SHANK2: variants seen among roughly 807,000 people sequenced by gnomAD.
SHANK2 encodes the protein SH3 and multiple ankyrin repeat domains 2.
A neutral mutation model predicts 133.7 loss-of-function variants in SHANK2; 43 were observed. The observed-to-expected ratio is 0.32, with a 90% CI of 0.25 to 0.41. The LOEUF is 0.41. SHANK2 is among the 10% of genes least tolerant of loss of function. The pLI, the probability that SHANK2 is intolerant of heterozygous loss-of-function variation, is 1.00. For synonymous variants in SHANK2, 1,017 were observed against 952.8 expected (o/e 1.07, Z -1.24); for missense variants, 1,994 against 2,235.8 (o/e 0.89, Z 2.18).
chr11:71,085,751 T>TTA (rs1470980324), intron 8 of SHANK2, among the ~76,000 whole-genome samples: 1 of 77,414 alleles, frequency 1.3e-5, no homozygotes, highest in South Asian at 4.2e-4. Flanking sequence ...ATATAATATA[T>TTA]TATGTTATAT....
chr11:71,160,759 C>T (rs1952997097), intron 2 of SHANK2, among the ~76,000 whole-genome samples: 1 of 152,170 alleles, frequency 6.6e-6, no homozygotes, highest in African/African-American at 2.4e-5. Context: ...GAGGCCACTC[C>T]AACGTATGCC....
intron 14 of SHANK2, among the ~76,000 whole-genome samples, chr11:70,700,298 C>T (rs555455573): frequency 1.2e-4 from 18 of 152,190 alleles, no homozygotes; most frequent in Admixed American, 9.2e-4. Context: ...AAGTGTTGCC[C>T]GAGTATTCAA....
intron 17 of SHANK2, among the ~76,000 whole-genome samples, chr11:70,568,646 G>GCCCCCCCCCCCCCCCCCCCC (rs66982078): frequency 1.3e-5 from 1 of 79,966 alleles, no homozygotes; most frequent in African/African-American, 3.9e-5. Context: ...GCGGATTCCT[G>GCCCCCCCCCCCCCCCCCCCC]CCCCCCCCGC....
intron 14 of SHANK2, among the ~76,000 whole-genome samples, chr11:70,704,923 AG>A (rs150500735): frequency 0.057 from 8,720 of 152,198 alleles, 840 homozygotes; most frequent in African/African-American, 0.2. Flanking sequence ...GAATTTTGAG[AG>A]GAAGTGAATT....
chr11:71,072,682 T>G (rs1951159043), intron 9 of SHANK2, among the ~76,000 whole-genome samples: 1 of 152,010 alleles, frequency 6.6e-6, no homozygotes, highest in African/African-American at 2.4e-5. Context: ...CACAAGGGAG[T>G]ATTATTTACC....
At chr11:70,630,225 C>T (rs894452900) in intron 17 of SHANK2, among the ~76,000 whole-genome samples, 1 of 152,228 alleles carries the variant, frequency 6.6e-6, no homozygotes, top group East Asian at 1.9e-4. Flanking sequence ...ACTGACCTTG[C>T]AGGTGCCCTG....
chr11:71,189,854 G>A (rs1049288059), intron 2 of SHANK2, among the ~76,000 whole-genome samples: 2 of 152,238 alleles, frequency 1.3e-5, no homozygotes, highest in Non-Finnish European at 2.9e-5. Flanking sequence ...CGCAGCTGAG[G>A]CCTGGGGAAG....
intron 13 of SHANK2, among the ~76,000 whole-genome samples, chr11:70,802,013 C>T (rs782379690): frequency 6.6e-5 from 10 of 152,054 alleles, no homozygotes; most frequent in Non-Finnish European, 1.0e-4. Flanking sequence ...AGAGGGGGTG[C>T]GGCGAGACTT....
chr11:71,147,476 G>A (rs565091970), intron 2 of SHANK2, 138 bp from the exon 3 acceptor site: 17 of 574,942 alleles, frequency 3.0e-5, no homozygotes, highest in African/African-American at 1.9e-4. Flanking sequence ...ACCACCAGCC[G>A]AGGGCCCCAG....
chr11:70,809,589 G>A (rs1221040762), intron 12 of SHANK2, among the ~76,000 whole-genome samples: 3 of 152,202 alleles, frequency 2.0e-5, no homozygotes, highest in East Asian at 3.9e-4. Flanking sequence ...TTAGGATGGT[G>A]AGATCTGGCC....
At chr11:70,917,675 T>TA (rs1294411748) in intron 10 of SHANK2, among the ~76,000 whole-genome samples, 5 of 152,138 alleles carry the variant, frequency 3.3e-5, no homozygotes, top group South Asian at 2.1e-4. Flanking sequence ...TACGCAGCCA[T>TA]AAAAAAGAAC....
intron 17 of SHANK2, among the ~76,000 whole-genome samples, chr11:70,534,799 G>A (rs1188931467): frequency 6.6e-6 from 1 of 152,254 alleles, no homozygotes; most frequent in Admixed American, 6.5e-5. Context: ...ACCGAGGGAT[G>A]TAGAGGACAA....
chr11:71,171,138 T>C (rs2135508688), intron 2 of SHANK2, among the ~76,000 whole-genome samples: 1 of 152,310 alleles, frequency 6.6e-6, no homozygotes, highest in Admixed American at 6.5e-5. Flanking sequence ...TTCTTCTAGG[T>C]GCACTGTATT....
intron 22 of SHANK2, among the ~76,000 whole-genome samples, 172 bp from the exon 23 acceptor site, chr11:70,490,559 G>A (rs1176045581): frequency 6.6e-6 from 1 of 152,248 alleles, no homozygotes; most frequent in Non-Finnish European, 1.5e-5. Context: ...GAGGACCCAG[G>A]AAGGTCCCTC....
intron 11 of SHANK2, chr11:70,826,751 C>T (rs1555057292): frequency 3.2e-6 from 1 of 308,440 alleles, no homozygotes; most frequent in East Asian, 8.3e-5. Context: ...TGCTCTCAAA[C>T]CCGGCTACCT....
intron 9 of SHANK2, among the ~76,000 whole-genome samples, chr11:71,062,919 C>A (rs1466281915): frequency 6.7e-6 from 1 of 149,248 alleles, no homozygotes; most frequent in Non-Finnish European, 1.5e-5. Context: ...ATCTCTTGAG[C>A]CCAAGAGGTC....
rs1565521784 is a variant in SHANK2 at position 70,479,439 on chromosome 11, G to C, written c.4979+5875C>G. On this transcript the variant is annotated intron_variant, in intron 25 of 25. Transcript: ENST00000601538. This position sits in a 1 kb window ranked among gnomAD's most constrained non-coding sequence, Gnocchi z 4.4. ...GTGAGGCAGCAGGCGCAGGGGCCTC[G>C]GGAGGAAAACTCGCCTGAGCTCACA... Among the ~76,000 whole-genome samples, 1 of 152,224 alleles carries C rather than the reference G, an allele frequency of 6.6e-6. No individual in the cohort carries two copies. The highest frequency in any genetic ancestry group is 2.4e-5 in the African/African-American group (1 of 41,458).
At chr11:70,507,612 G>A (rs1476955488) in intron 17 of SHANK2, among the ~76,000 whole-genome samples, 2 of 152,136 alleles carry the variant, frequency 1.3e-5, no homozygotes, top group African/African-American at 2.4e-5. Flanking sequence ...TGGCCATCCC[G>A]TCTGTCACCA....
At chr11:70,836,995 A>G (rs1555060211) in intron 11 of SHANK2, among the ~76,000 whole-genome samples, 2 of 152,074 alleles carry the variant, frequency 1.3e-5, no homozygotes, top group African/African-American at 4.8e-5. Context: ...CTGTCTCTCC[A>G]CCATGGGAGG....
Sources: allele counts gnomAD v4.1 joint callset (sites outside exome capture counted in the v4.1 genomes callset), GRCh38; gene constraint gnomAD v4.1.1; non-coding constraint Gnocchi (gnomAD v3.1); transcripts MANE v1.5; gene names NCBI Gene and HGNC (gene_info 2026-07-23, HGNC 2026-07-21).